The following KCNMA1 variants were observed in gnomAD, a reference collection of about 807,000 sequenced individuals.
KCNMA1 encodes potassium calcium-activated channel subfamily M alpha 1, also known as Calcium-activated potassium channel subunit alpha-1.
In KCNMA1, 29 loss-of-function variants were observed where a neutral mutation model predicts 140.0. The ratio of observed to expected loss-of-function variants is 0.21; its 90% confidence interval spans 0.15 to 0.28. The LOEUF is 0.28. Among genes scored for constraint, KCNMA1 ranks in the 10% least tolerant of loss-of-function variants. KCNMA1 has a pLI of 1.00. For synonymous variants in KCNMA1, 612 were observed against 611.9 expected, an observed-to-expected ratio of 1.00 and a Z score of 0.00; for missense variants, 880 against 1,602.2, an observed-to-expected ratio of 0.55 and a Z score of 7.70.
intron 3 of KCNMA1, among the ~76,000 whole-genome samples, chr10:77,227,038 T>C (rs2051708529): frequency 6.6e-6 from 1 of 152,216 alleles, no homozygotes; most frequent in South Asian, 2.1e-4. Context: ...ACTTCCCCTT[T>C]GCCTGGGGCA....
intron 1 of KCNMA1, among the ~76,000 whole-genome samples, chr10:77,567,248 C>A (rs991543016): frequency 3.3e-5 from 5 of 152,248 alleles, no homozygotes; most frequent in Non-Finnish European, 7.3e-5. Context: ...CTGTGCCCAA[C>A]CAAGATCCAT....
At chr10:77,157,907 T>C (rs1291411220) in intron 5 of KCNMA1, among the ~76,000 whole-genome samples, 1 of 152,136 alleles carries the variant, frequency 6.6e-6, no homozygotes, top group African/African-American at 2.4e-5. Flanking sequence ...AAGGTCCTCC[T>C]CCTCCTTAGC....
intron 1 of KCNMA1, among the ~76,000 whole-genome samples, chr10:77,515,608 T>A (rs1179443110): frequency 6.6e-6 from 1 of 152,174 alleles, no homozygotes; most frequent in African/African-American, 2.4e-5. Context: ...GTGGCTCCCA[T>A]CACTTTGAGG....
chr10:77,589,172 C>G (rs1472595124), intron 1 of KCNMA1, among the ~76,000 whole-genome samples: 3 of 152,160 alleles, frequency 2.0e-5, no homozygotes, highest in African/African-American at 7.2e-5. Context: ...CCCTTCATGG[C>G]TACTTATAAA....
intron 1 of KCNMA1, among the ~76,000 whole-genome samples, chr10:77,569,875 C>T (rs2070219508): frequency 6.6e-6 from 1 of 151,698 alleles, no homozygotes; most frequent in Admixed American, 6.6e-5. Context: ...ACAATGAACT[C>T]AAACAAATTT....
At chr10:77,296,908 T>TGGGGGGGGG (rs781675116) in intron 2 of KCNMA1, among the ~76,000 whole-genome samples, 1 of 80,352 alleles carries the variant, frequency 1.2e-5, no homozygotes, top group African/African-American at 3.5e-5. Flanking sequence ...CCTGGGTGTG[T>TGGGGGGGGG]GGGCGGGGGG....
chr10:77,067,192 C>G (rs896196419), intron 14 of KCNMA1, among the ~76,000 whole-genome samples: 1 of 152,170 alleles, frequency 6.6e-6, no homozygotes, highest in Admixed American at 6.5e-5. Flanking sequence ...AACCCTCAAC[C>G]CAACCCATGT....
chr10:77,620,509 C>T (rs936258513), intron 1 of KCNMA1, among the ~76,000 whole-genome samples: 3 of 152,222 alleles, frequency 2.0e-5, no homozygotes, highest in Non-Finnish European at 4.4e-5. Context: ...TGAGCATTCT[C>T]TCTTCTCCAA....
chr10:77,165,838 T>G (rs1040833328), intron 5 of KCNMA1, among the ~76,000 whole-genome samples: 3 of 152,232 alleles, frequency 2.0e-5, no homozygotes. Context: ...AGGACCTTAT[T>G]TCGGCAGAGG....
intron 1 of KCNMA1, among the ~76,000 whole-genome samples, chr10:77,546,487 G>A (rs1259512405): frequency 2.6e-5 from 4 of 152,160 alleles, no homozygotes; most frequent in African/African-American, 4.8e-5. Flanking sequence ...TCTAAGTCAC[G>A]AGGACAAGCA....
At chr10:77,451,344 A>C (rs2097654341) in intron 1 of KCNMA1, among the ~76,000 whole-genome samples, 1 of 152,184 alleles carries the variant, frequency 6.6e-6, no homozygotes, top group Admixed American at 6.5e-5. Flanking sequence ...GTGCCCCTGA[A>C]GTTGATCTGA....
chr10:77,032,337 T>C (rs2153547246), intron 15 of KCNMA1, among the ~76,000 whole-genome samples: 1 of 152,312 alleles, frequency 6.6e-6, no homozygotes, highest in East Asian at 1.9e-4. Flanking sequence ...AATTCTGCCT[T>C]TACTCAACTT....
intron 1 of KCNMA1, among the ~76,000 whole-genome samples, chr10:77,621,582 C>A (rs2091416046): frequency 6.6e-6 from 1 of 152,088 alleles, no homozygotes; most frequent in African/African-American, 2.4e-5. Context: ...TACTTAAATT[C>A]TGCATCCTAC....
rs1274196171 is a variant in KCNMA1 at position 77,568,397 on chromosome 10, G to A, written c.378+68868C>T. Among the ~76,000 whole-genome samples the A allele has an allele frequency of 2.6e-4, 40 of 152,264 alleles. No individual in the cohort carries two copies. In the East Asian group the frequency reaches 6.8e-3, roughly 26 times the overall value. Reference sequence around the variant, plus strand: ...AAAGCTTATCCACCATGATCAAGTCGGCTTCATCCCTGGGATGCAAGGCTG... The same window carrying A: ...AAAGCTTATCCACCATGATCAAGTCAGCTTCATCCCTGGGATGCAAGGCTG... On this transcript the variant is annotated intron_variant, in intron 1 of 27. Coordinates refer to ENST00000286628, the MANE Select transcript of KCNMA1 (RefSeq NM_001161352.2).
chr10:77,398,789 C>G (rs1190916245), intron 2 of KCNMA1, among the ~76,000 whole-genome samples: 1 of 152,180 alleles, frequency 6.6e-6, no homozygotes. Context: ...CTTACCAACC[C>G]TGAATTTGAC....
chr10:77,305,221 G>A (rs1270763545), intron 2 of KCNMA1, among the ~76,000 whole-genome samples: 1 of 152,164 alleles, frequency 6.6e-6, no homozygotes, highest in African/African-American at 2.4e-5. Flanking sequence ...GTTGGGACCA[G>A]GTGCCCTGAC....
chr10:77,412,656 A>G (rs955118106), intron 1 of KCNMA1, among the ~76,000 whole-genome samples: 2 of 151,368 alleles, frequency 1.3e-5, no homozygotes, highest in Admixed American at 1.3e-4. Context: ...GAGGTGCCCC[A>G]GGGGGGCTGG....
At chr10:77,330,517 G>A (rs780448401) in intron 2 of KCNMA1, among the ~76,000 whole-genome samples, 7 of 152,164 alleles carry the variant, frequency 4.6e-5, no homozygotes, top group Non-Finnish European at 8.8e-5. Flanking sequence ...ACAAACAATG[G>A]CAATGACCCC....
chr10:77,329,702 C>T lies in KCNMA1; in HGVS notation c.540+74160G>A, dbSNP rs577212361. On this transcript the variant is annotated intron_variant, in intron 2 of 27. Coordinates refer to ENST00000286628, the MANE Select transcript of KCNMA1 (RefSeq NM_001161352.2). ...GAAAATAATTTAATTCTTCTATTCC[C>T]TCATTTATTGCAAAGACATGACAGA... 3.0e-3 allele frequency among the ~76,000 whole-genome samples: 454 copies of T among 152,286 alleles called. 2 individuals are homozygous for T. Among genetic ancestry groups the T allele is most frequent in the Non-Finnish European group, 5.2e-3 (352 of 68,032 alleles).
Sources: gnomAD v4.1 joint callset for allele counts (sites outside exome capture counted in the v4.1 genomes callset) on GRCh38, gnomAD v4.1.1 for gene constraint, MANE v1.5 for transcripts, NCBI Gene and HGNC (gene_info 2026-07-23, HGNC 2026-07-21) for gene names.